LRFN5: variants seen among roughly 807,000 people sequenced by gnomAD.
LRFN5 encodes leucine-rich repeat and fibronectin type-III domain-containing protein 5.
LRFN5 carries 24 observed loss-of-function variants against 45.6 expected under a neutral mutation model. The observed-to-expected ratio is 0.53, with a 90% CI of 0.38 to 0.74. The LOEUF is 0.74. LRFN5 is among the 30% of genes least tolerant of loss of function. The pLI is 0.00. For synonymous variants in LRFN5, 340 were observed against 313.8 expected, an observed-to-expected ratio of 1.08 and a Z score of -0.88; for missense variants, 776 against 861.5, an observed-to-expected ratio of 0.90 and a Z score of 1.24.
intron 2 of LRFN5, among the ~76,000 whole-genome samples, chr14:41,878,230 C>CTCA (rs1230044752): frequency 6.6e-6 from 1 of 152,098 alleles, no homozygotes; most frequent in Non-Finnish European, 1.5e-5. Context: ...CCTGCAAAAA[C>CTCA]TCATCAATAT....
At chr14:41,890,706 C>CAAAA (rs541053292) in intron 3 of LRFN5, among the ~76,000 whole-genome samples, 1 of 60,584 alleles carries the variant, frequency 1.7e-5, no homozygotes, top group Non-Finnish European at 3.6e-5. Flanking sequence ...GACTCCGTCT[C>CAAAA]AAAAAAAAAA....
chr14:41,675,215 G>A (rs1226304577), intron 1 of LRFN5, among the ~76,000 whole-genome samples: 3 of 152,364 alleles, frequency 2.0e-5, no homozygotes, highest in African/African-American at 7.2e-5. Context: ...GCCAGGCAGA[G>A]GCTGCAATCT....
intron 1 of LRFN5, among the ~76,000 whole-genome samples, chr14:41,623,887 A>G (rs548258666): frequency 1.6e-4 from 24 of 152,148 alleles, no homozygotes; most frequent in African/African-American, 5.8e-4. Context: ...TTTATTAACT[A>G]ATTATGGTGA....
At chr14:41,608,994 T>C (rs1014557296) in intron 1 of LRFN5, among the ~76,000 whole-genome samples, 3 of 152,206 alleles carry the variant, frequency 2.0e-5, no homozygotes, top group African/African-American at 7.2e-5. Context: ...CTTTTCTACC[T>C]CTGGTGCCAG....
intron 2 of LRFN5, among the ~76,000 whole-genome samples, chr14:41,838,576 C>G (rs1396966543): frequency 6.6e-6 from 1 of 152,140 alleles, no homozygotes; most frequent in Non-Finnish European, 1.5e-5. Context: ...TGTCTTATGT[C>G]TCTCCCTGTT....
intron 1 of LRFN5, among the ~76,000 whole-genome samples, chr14:41,756,292 A>G (rs142418315): frequency 0.016 from 2,481 of 152,076 alleles, 24 homozygotes; most frequent in Non-Finnish European, 0.026. Flanking sequence ...CTCTGTATTT[A>G]CTGAATTTGA....
At chr14:41,717,428 C>G (rs1209226411) in intron 1 of LRFN5, among the ~76,000 whole-genome samples, 1 of 152,102 alleles carries the variant, frequency 6.6e-6, no homozygotes, top group East Asian at 1.9e-4. Context: ...ATGTAAACAC[C>G]AAAACACGTA....
chr14:41,899,255 T>C (rs1427556168), intron 5 of LRFN5, among the ~76,000 whole-genome samples: 1 of 152,142 alleles, frequency 6.6e-6, no homozygotes, highest in Non-Finnish European at 1.5e-5. Flanking sequence ...TCATACATGA[T>C]ACAATGTGCA....
In LRFN5 at chr14:41,887,776, C is replaced by T; in HGVS notation, c.1151C>T (p.Thr384Ile). 2.5e-6 allele frequency: 4 copies of T among 1,613,910 alleles called. No homozygotes were observed. The highest frequency in any genetic ancestry group is 3.4e-6 in the Non-Finnish European group (4 of 1,180,012). Residue 384 changes from threonine (T) to isoleucine (I), a missense_variant, in exon 3 of 6, where the codon ACA becomes ATA. Thr to Ile is a moderately conservative substitution (Grantham distance 89, BLOSUM62 -1). This residue lies in a region of LRFN5 where 465 missense variants were observed against 456.4 expected (regional missense o/e 1.02). Coordinates refer to ENST00000298119, the MANE Select transcript of LRFN5 (RefSeq NM_152447.5). The surrounding 1 kb of genome is among the most constrained non-coding windows in gnomAD (Gnocchi z 4.8). ...AAGCTCCCTCACTTACTAAATAGTA[C>T]AAACCATATCCATGAGCCTGATCCT... ...IIKLPHLLNS[T>I]NHIHEPDPGS...
chr14:41,800,444 G>A (rs1356997201), intron 2 of LRFN5, among the ~76,000 whole-genome samples: 1 of 151,752 alleles, frequency 6.6e-6, no homozygotes, highest in Non-Finnish European at 1.5e-5. Flanking sequence ...TATCATTTTA[G>A]ATAATGAATT....
At chr14:41,773,916 A>G (rs1270878128) in intron 2 of LRFN5, among the ~76,000 whole-genome samples, 1 of 152,208 alleles carries the variant, frequency 6.6e-6, no homozygotes, top group Admixed American at 6.5e-5. Flanking sequence ...AAGCCCATAC[A>G]TACTGATACA....
chr14:41,713,340 A>G (rs746922020), intron 1 of LRFN5, among the ~76,000 whole-genome samples: 10 of 152,096 alleles, frequency 6.6e-5, no homozygotes, highest in Non-Finnish European at 1.5e-4. Flanking sequence ...ATGTGTGCAA[A>G]CCATGGAAAG....
At chr14:41,634,639 T>C (rs1385022799) in intron 1 of LRFN5, among the ~76,000 whole-genome samples, 1 of 152,172 alleles carries the variant, frequency 6.6e-6, no homozygotes, top group Non-Finnish European at 1.5e-5. Flanking sequence ...CAGGGCTTGG[T>C]TAACTATAAT....
chr14:41,781,472 C>G (rs1886479459), intron 2 of LRFN5, among the ~76,000 whole-genome samples: 1 of 137,768 alleles, frequency 7.3e-6, no homozygotes, highest in Non-Finnish European at 1.6e-5. Context: ...TAGTGAGACC[C>G]TGTCTCAAAT....
chr14:41,861,803 T>A (rs1889673621), intron 2 of LRFN5, among the ~76,000 whole-genome samples: 1 of 152,180 alleles, frequency 6.6e-6, no homozygotes, highest in Non-Finnish European at 1.5e-5. Flanking sequence ...TGAATCTTTA[T>A]GTAAACACCA....
At chr14:41,794,604 A>G (rs1444292613) in intron 2 of LRFN5, among the ~76,000 whole-genome samples, 1 of 152,070 alleles carries the variant, frequency 6.6e-6, no homozygotes, top group South Asian at 2.1e-4. Flanking sequence ...GTGTGGGAAA[A>G]GTTCAAGATG....
chr14:41,620,928 T>A (rs1888110296), intron 1 of LRFN5, among the ~76,000 whole-genome samples: 1 of 152,002 alleles, frequency 6.6e-6, no homozygotes, highest in Admixed American at 6.6e-5. Context: ...GTATAAAGTG[T>A]GTATTCAGGA....
chr14:41,686,413 C>T (rs965764510), intron 1 of LRFN5, among the ~76,000 whole-genome samples: 1 of 151,988 alleles, frequency 6.6e-6, no homozygotes, highest in African/African-American at 2.4e-5. Context: ...AATCTGCAAA[C>T]AGAGAAAGCT....
At chr14:41,795,643 G>A (rs1887096082) in intron 2 of LRFN5, among the ~76,000 whole-genome samples, 1 of 151,970 alleles carries the variant, frequency 6.6e-6, no homozygotes, top group Non-Finnish European at 1.5e-5. Context: ...GGATGAAGCT[G>A]GAAACCATCA....
Sources: gnomAD v4.1 joint callset for allele counts (sites outside exome capture counted in the v4.1 genomes callset) on GRCh38, gnomAD v4.1.1 for gene constraint, gnomAD v4.1.1 regional missense constraint, Gnocchi (gnomAD v3.1) non-coding constraint, MANE v1.5 for transcripts, NCBI Gene and HGNC (gene_info 2026-07-23, HGNC 2026-07-21) for gene names.